The following AQP7 variants were observed in gnomAD, a reference collection of about 807,000 sequenced individuals.
AQP7 encodes aquaporin-7.
A neutral mutation model predicts 26.1 loss-of-function variants in AQP7; 22 were observed. The ratio of observed to expected loss-of-function variants is 0.84; its 90% CI spans 0.60 to 1.20. AQP7 has a LOEUF of 1.20. Among genes scored for constraint, AQP7 ranks in the 50% most tolerant of loss-of-function variants. The pLI is 0.00. For synonymous variants in AQP7, 167 were observed against 181.7 expected (o/e 0.92, Z 0.65); for missense variants, 412 against 457.5 (o/e 0.90, Z 0.91).
intron 2 of AQP7, among the ~76,000 whole-genome samples, chr9:33,399,198 A>C (rs541942317): frequency 6.6e-6 from 1 of 152,164 alleles, no homozygotes; most frequent in African/African-American, 2.4e-5. Context: ...CCTGTTAACC[A>C]GCTATTAACT....
Position 33,386,934 on chromosome 9 carries a change from T to C in AQP7, c.268+35A>G, listed in dbSNP as rs760970366. 4 of 1,610,296 alleles carry C rather than the reference T, an allele frequency of 2.5e-6. No individual in the cohort carries two copies. The African/African-American group carries it at 4.0e-5, about 16-fold the overall frequency. Reference sequence around the variant, plus strand: ...GAAAGAGCCTGTTGGGGACACCTGGTCTTGCCCGGTCCGGCAGGGCCTGGG... The same window carrying C: ...GAAAGAGCCTGTTGGGGACACCTGGCCTTGCCCGGTCCGGCAGGGCCTGGG... On this transcript the variant is annotated intron_variant, in intron 4 of 7. Coordinates refer to ENST00000297988, the MANE Select transcript of AQP7 (RefSeq NM_001170.3).
chr9:33,389,023 ATTTTTTTTT>A (rs34391457), intron 3 of AQP7, among the ~76,000 whole-genome samples: 1 of 111,072 alleles, frequency 9.0e-6, no homozygotes, highest in Non-Finnish European at 1.9e-5. Context: ...CACCCAGCCA[ATTTTTTTTT>A]TTTTTTTTTT....
intron 2 of AQP7, among the ~76,000 whole-genome samples, chr9:33,397,487 G>A (rs946161718): frequency 7.3e-5 from 11 of 151,562 alleles, no homozygotes; most frequent in South Asian, 2.1e-4. Context: ...TGGATTATCC[G>A]CGCAACTCTG....
intron 3 of AQP7, among the ~76,000 whole-genome samples, chr9:33,391,819 T>C (rs1825438096): frequency 6.6e-6 from 1 of 152,230 alleles, no homozygotes; most frequent in Non-Finnish European, 1.5e-5. Context: ...CAAGTGCTAC[T>C]GTCTTCAATC....
chr9:33,395,166 C>G lies in AQP7; in HGVS notation c.56G>C (p.Trp19Ser), dbSNP rs185204201. 4 of 1,613,982 alleles carry G rather than the reference C, an allele frequency of 2.5e-6. No individual in the cohort carries two copies. Among genetic ancestry groups the G allele is most frequent in the South Asian group, 1.1e-5 (1 of 91,076 alleles). The part of the protein sequence containing the change: ...RSTRGSKMVS[W>S]SVIAKIQEIL... ...TTCCTGGATCTTTGCTATCACGGAC[C>G]AGGAGACCATTTTGGAGCCACGGGT... Residue 19 changes from tryptophan (W) to serine (S), a missense_variant, in exon 3 of 8, where the codon TGG (tryptophan) becomes TCG (serine). Transcript: ENST00000297988.
chr9:33,389,957 C>G (rs2785208), intron 3 of AQP7, among the ~76,000 whole-genome samples: 146,351 of 150,802 alleles, frequency 0.97, 71,169 homozygotes, highest in East Asian at 1. Context: ...GAACCCAAGA[C>G]GCGGAGCTTG....
chr9:33,394,184 T>C (rs1403042765), intron 3 of AQP7: 4 of 152,290 alleles, frequency 2.6e-5, no homozygotes, highest in Non-Finnish European at 5.9e-5. Flanking sequence ...TTTGCCCACA[T>C]CTTCTGCTGG....
At chr9:33,388,549 T>C (rs1354821217) in intron 3 of AQP7, among the ~76,000 whole-genome samples, 1 of 152,240 alleles carries the variant, frequency 6.6e-6, no homozygotes, top group Non-Finnish European at 1.5e-5. Context: ...CAATACTCTT[T>C]GTATTCAGCA....
intron 5 of AQP7, 21 bp from the exon 6 acceptor site, chr9:33,386,216 A>G (rs747231224): frequency 1.9e-6 from 3 of 1,613,870 alleles, no homozygotes; most frequent in Non-Finnish European, 2.5e-6. Context: ...ACAGACTGTC[A>G]TGCGAACCTG....
chr9:33,393,992 T>C (rs1308093132), intron 3 of AQP7: 1 of 152,404 alleles, frequency 6.6e-6, no homozygotes, highest in East Asian at 1.9e-4. Flanking sequence ...CTGTACACTG[T>C]CTCTGGACAG....
At chr9:33,394,486 C>CTTTTTTTTTTTTTTTTTTTTTTT (rs56966031) in intron 3 of AQP7, among the ~76,000 whole-genome samples, 1 of 115,112 alleles carries the variant, frequency 8.7e-6, no homozygotes, top group African/African-American at 3.0e-5. Flanking sequence ...CTCTCTCTCT[C>CTTTTTTTTTTTTTTTTTTTTTTT]TTTTTTTTTT....
intron 2 of AQP7, among the ~76,000 whole-genome samples, chr9:33,395,975 A>T (rs1435756372): frequency 3.3e-5 from 5 of 152,182 alleles, no homozygotes; most frequent in African/African-American, 4.8e-5. Flanking sequence ...TCCCAACTAG[A>T]TCCTCAGAGC....
At chr9:33,399,049 C>G (rs1048673814) in intron 2 of AQP7, among the ~76,000 whole-genome samples, 2 of 150,610 alleles carry the variant, frequency 1.3e-5, no homozygotes, top group Non-Finnish European at 3.0e-5. Context: ...TCACAGCTCA[C>G]TGAAGCCTAG....
chr9:33,386,514 A>G lies in AQP7; in HGVS notation c.296T>C (p.Phe99Ser), dbSNP rs1824817007. Reference protein sequence around the residue: ...SGAHMNAAVTFANCALGRVPW... With the variant: ...SGAHMNAAVTSANCALGRVPW... ...CACGCGGCCCAGCGCACAGTTAGCAAAGGTCACAGCTGCGTTCATGTGGGC... is the reference window on the plus strand; with the variant it reads ...CACGCGGCCCAGCGCACAGTTAGCAGAGGTCACAGCTGCGTTCATGTGGGC... Residue 99 changes from phenylalanine to serine, a missense_variant, in exon 5 of 8, where the codon TTT (phenylalanine) becomes TCT (serine). By Grantham distance (155) the Phe-to-Ser change is radical. Transcript: ENST00000297988. The G allele has an allele frequency of 4.3e-6, 7 of 1,612,680 alleles. No individual in the cohort carries two copies. In the East Asian group the frequency reaches 1.6e-4, roughly 36 times the overall value.
chr9:33,396,619 C>T (rs1370766513), intron 2 of AQP7, among the ~76,000 whole-genome samples: 3 of 146,878 alleles, frequency 2.0e-5, no homozygotes, highest in Non-Finnish European at 4.5e-5. Context: ...TTGCACATGC[C>T]AGTCCTACGC....
At chr9:33,395,511 C>G in intron 2 of AQP7, 1 of 342,822 alleles carries the variant, frequency 2.9e-6, no homozygotes, top group Non-Finnish European at 5.5e-6. Flanking sequence ...TGCCAACAAG[C>G]CTCTGGAAAA....
At position 33,386,977 on chromosome 9, in the gene AQP7, C is replaced by T. The variant is rs371783551; in HGVS notation, c.260G>A (p.Arg87His). Residue 87 changes from arginine to histidine, a missense_variant, in exon 4 of 8, where the codon CGC (arginine) becomes CAC (histidine). Arg to His is a conservative substitution (Grantham distance 29). Transcript: ENST00000297988. ...GGCCTGGGCTCACTCACCAGAGATG[C>T]GGCCTGCCACGTGCACTCCCATGGT... is the stretch of plus-strand genomic sequence containing the variant. ...GVTMGVHVAGRISGAHMNAAV... is the reference protein window; with the variant it reads ...GVTMGVHVAGHISGAHMNAAV... The T allele has an allele frequency of 3.7e-5, 60 of 1,611,684 alleles. No homozygotes were observed. Among genetic ancestry groups the T allele is most frequent in the Middle Eastern group, 2.2e-4 (1 of 4,450 alleles).
intron 3 of AQP7, among the ~76,000 whole-genome samples, chr9:33,392,789 CAGAG>C (rs1489554955): frequency 6.6e-6 from 1 of 152,132 alleles, no homozygotes; most frequent in Non-Finnish European, 1.5e-5. Context: ...GGGCTAGAGG[CAGAG>C]AGGAGAGAGC....
chr9:33,385,648 C>T lies in AQP7; in HGVS notation c.743+1G>A, dbSNP rs1383837122. ...GGAATGGGCCTGGGCAGGGGCAGTA[C>T]CTGAAGACCTGTTTGCCCCAACCAG... On this transcript the variant is annotated splice_donor_variant, in intron 7 of 7. Coordinates refer to ENST00000297988, the MANE Select transcript of AQP7 (RefSeq NM_001170.3). LOFTEE classifies it high-confidence loss of function. The T allele has an allele frequency of 1.2e-6, 2 of 1,613,256 alleles. No homozygotes were observed. Among genetic ancestry groups the T allele is most frequent in the Middle Eastern group, 1.8e-4 (1 of 5,444 alleles).
Sources: gnomAD v4.1 joint callset for allele counts (sites outside exome capture counted in the v4.1 genomes callset) on GRCh38, gnomAD v4.1.1 for gene constraint, MANE v1.5 for transcripts, NCBI Gene and HGNC (gene_info 2026-07-23, HGNC 2026-07-21) for gene names.